Variants in DOCK2 observed in about 807,000 individuals in gnomAD.
DOCK2 encodes dedicator of cytokinesis 2.
Under a neutral mutation model 248.9 loss-of-function variants are expected in DOCK2, and 87 were observed. That is an observed-to-expected ratio of 0.35 (90% confidence interval 0.29 to 0.42). DOCK2 has a LOEUF of 0.42. Among genes scored for constraint, DOCK2 ranks in the 10% least tolerant of loss-of-function variants. DOCK2 has a pLI of 1.00. For synonymous variants in DOCK2, 805 were observed against 821.6 expected (o/e 0.98, Z 0.35); for missense variants, 1,747 against 2,300.2 (o/e 0.76, Z 4.92).
chr5:169,689,386 C>A, intron 9 of DOCK2, 53 bp downstream of exon 9: 1 of 1,595,742 alleles, frequency 6.3e-7, no homozygotes, highest in Non-Finnish European at 8.6e-7. Flanking sequence ...AAAAATGTGA[C>A]CTTGGAAATG....
chr5:169,873,171 C>T (rs1357179106), intron 27 of DOCK2, among the ~76,000 whole-genome samples: 1 of 152,124 alleles, frequency 6.6e-6, no homozygotes, highest in East Asian at 1.9e-4. Flanking sequence ...AGATAAATTG[C>T]TGATGCTGTA....
chr5:170,079,331 G>A (rs1047814949), intron 49 of DOCK2, 185 bp downstream of exon 49: 9 of 766,426 alleles, frequency 1.2e-5, no homozygotes, highest in Non-Finnish European at 1.8e-5. Context: ...AGGCAGCTGG[G>A]GTGGCTGGGA....
intron 9 of DOCK2, among the ~76,000 whole-genome samples, 159 bp downstream of exon 9, chr5:169,689,492 G>A (rs551126607): frequency 6.6e-6 from 1 of 152,290 alleles, no homozygotes; most frequent in East Asian, 1.9e-4. Context: ...GACATTGTGT[G>A]CCTTGAGGAA....
At chr5:169,755,875 T>C (rs2113719866) in intron 23 of DOCK2, among the ~76,000 whole-genome samples, 1 of 152,342 alleles carries the variant, frequency 6.6e-6, no homozygotes, top group Middle Eastern at 3.4e-3. Context: ...TGGGAGCGTT[T>C]GGTGCTGGCA....
chr5:169,783,154 G>T (rs1765801676), intron 25 of DOCK2, among the ~76,000 whole-genome samples: 7 of 152,170 alleles, frequency 4.6e-5, no homozygotes, highest in Admixed American at 4.6e-4. Flanking sequence ...CATTCTTGTA[G>T]TTTAAAACCT....
intron 27 of DOCK2, among the ~76,000 whole-genome samples, chr5:169,920,599 T>A (rs1466340699): frequency 6.6e-6 from 1 of 152,192 alleles, no homozygotes; most frequent in Non-Finnish European, 1.5e-5. Flanking sequence ...AAAGAGGGCA[T>A]GGCTGTAACT....
intron 14 of DOCK2, among the ~76,000 whole-genome samples, chr5:169,703,739 CAAA>C (rs1288433403): frequency 1.3e-5 from 2 of 151,992 alleles, no homozygotes; most frequent in African/African-American, 2.4e-5. Flanking sequence ...AAACTTTTTC[CAAA>C]AAATAAAATA....
At chr5:170,046,173 T>A (rs1467650875) in intron 39 of DOCK2, among the ~76,000 whole-genome samples, 1 of 152,250 alleles carries the variant, frequency 6.6e-6, no homozygotes, top group African/African-American at 2.4e-5. Flanking sequence ...CTGCCACCGC[T>A]GCTGCAGCCC....
chr5:169,882,406 G>A (rs1267427357), intron 27 of DOCK2: 4 of 639,078 alleles, frequency 6.3e-6, no homozygotes, highest in African/African-American at 1.8e-5. Context: ...AGAGAAAAGG[G>A]AGGTCTGTGG....
intron 32 of DOCK2, among the ~76,000 whole-genome samples, chr5:170,016,549 C>T (rs1372880907): frequency 6.6e-6 from 1 of 152,202 alleles, no homozygotes; most frequent in African/African-American, 2.4e-5. Context: ...CCATCTCTCT[C>T]TCCGCTTTCC....
intron 40 of DOCK2, among the ~76,000 whole-genome samples, chr5:170,049,699 C>T (rs933245695): frequency 6.6e-6 from 1 of 152,216 alleles, no homozygotes; most frequent in African/African-American, 2.4e-5. Flanking sequence ...CCCCCATTCC[C>T]AGTTGTGACA....
intron 27 of DOCK2, among the ~76,000 whole-genome samples, chr5:169,977,642 T>G (rs115856451): frequency 2.4e-3 from 372 of 152,318 alleles, no homozygotes; most frequent in African/African-American, 8.8e-3. Flanking sequence ...ACTCTCATGC[T>G]TGCATCCTGG....
intron 34 of DOCK2, among the ~76,000 whole-genome samples, chr5:170,031,742 C>T (rs112458052): frequency 0.021 from 3,219 of 152,232 alleles, 49 homozygotes; most frequent in Middle Eastern, 0.041. Flanking sequence ...TCATTTCTAG[C>T]CAATTTTCCC....
intron 26 of DOCK2, among the ~76,000 whole-genome samples, chr5:169,824,446 C>A (rs1271242802): frequency 1.3e-5 from 2 of 152,154 alleles, no homozygotes; most frequent in Non-Finnish European, 2.9e-5. Flanking sequence ...TAGAACAGAA[C>A]AGAGCCCTCA....
At chr5:170,017,269 C>T (rs1418522611) in intron 32 of DOCK2, among the ~76,000 whole-genome samples, 2 of 152,058 alleles carry the variant, frequency 1.3e-5, no homozygotes, top group East Asian at 1.9e-4. Context: ...CTGCCCCAGG[C>T]GAAGACCACA....
At chr5:170,007,155 G>A (rs905292532) in intron 30 of DOCK2, among the ~76,000 whole-genome samples, 1 of 152,220 alleles carries the variant, frequency 6.6e-6, no homozygotes, top group African/African-American at 2.4e-5. Context: ...CTCTTTCATA[G>A]TCTTGGCCAT....
At chr5:169,875,533 TCTG>T in intron 27 of DOCK2, 2 of 289,824 alleles carry the variant, frequency 6.9e-6, no homozygotes, top group South Asian at 6.2e-5. Context: ...AGAACTGTGT[TCTG>T]CTGTGGCCGT....
In DOCK2 at chr5:169,879,130, AT is replaced by A. The variant is rs545389070; in HGVS notation, c.2799+38279del. 3.2e-4 allele frequency among the ~76,000 whole-genome samples: 49 copies of A among 152,328 alleles called. No homozygotes were observed. In the South Asian group the frequency reaches 1.0e-2, roughly 31 times the overall value. On this transcript the variant is annotated intron_variant, in intron 27 of 51. Transcript: ENST00000520908. ...TGGGAAATACCACTTAGGAAACCGT[AT>A]GCATGGCTAATTTAGCAGCAACATC...
rs375305700 is a variant in DOCK2 at position 170,045,768 on chromosome 5, C to T, written c.3877-48C>T. The T allele has an allele frequency of 2.5e-6, 4 of 1,590,642 alleles. No homozygotes were observed. The African/African-American group carries it at 5.4e-5, about 21-fold the overall frequency. On this transcript the variant is annotated intron_variant, in intron 38 of 51. Coordinates refer to ENST00000520908, the MANE Select transcript of DOCK2 (RefSeq NM_004946.3). ...AGTCCCTTCCTCAGCAAGCGCTCTG[C>T]AAACCCGGTGGTGCCACCTCACCTT...
Sources: allele counts gnomAD v4.1 joint callset (sites outside exome capture counted in the v4.1 genomes callset), GRCh38; gene constraint gnomAD v4.1.1; transcripts MANE v1.5; gene names NCBI Gene and HGNC (gene_info 2026-07-23, HGNC 2026-07-21).